The following MOV10L1 variants were observed in gnomAD, a reference collection of about 807,000 sequenced individuals.
MOV10L1 encodes the protein Mov10 like RNA helicase 1, also known as RNA helicase Mov10l1.
A neutral mutation model predicts 143.8 loss-of-function variants in MOV10L1; 110 were observed. That is an observed-to-expected ratio of 0.76 (90% CI 0.66 to 0.90). The LOEUF is 0.90. Among genes scored for constraint, MOV10L1 ranks in the 40% least tolerant of loss-of-function variants. The pLI is 0.00. For synonymous variants in MOV10L1, 593 were observed against 581.1 expected, an observed-to-expected ratio of 1.02 and a Z score of -0.29; for missense variants, 1,406 against 1,526.8, an observed-to-expected ratio of 0.92 and a Z score of 1.32.
In MOV10L1 at chr22:50,161,509, T is replaced by G. The variant is rs2063559658; in HGVS notation, c.*60T>G. 6.7e-7 allele frequency: 1 copy of G among 1,492,672 alleles called. No individual in the cohort carries two copies. The highest frequency in any genetic ancestry group is 9.1e-7 in the Non-Finnish European group (1 of 1,100,492). 92.5% of individuals were successfully genotyped at this position (1,492,672 alleles called of 1,614,324 possible). A position where few individuals can be genotyped will look rare whatever the true frequency, so the allele number is the denominator to read the frequency against. ...CAGCCTGGCCACGTTGCCGTTACAG[T>G]CTGCTCCGTGGCTCCTGTGGCCTGC... On this transcript the variant is annotated 3_prime_UTR_variant, in exon 27 of 27. Transcript: ENST00000262794.
At chr22:50,120,957 C>G (rs1483429222) in intron 10 of MOV10L1, among the ~76,000 whole-genome samples, 1 of 152,214 alleles carries the variant, frequency 6.6e-6, no homozygotes, top group South Asian at 2.1e-4. Context: ...AAGAAGTGTT[C>G]TAGCCTTTTA....
At position 50,144,201 on chromosome 22, in the gene MOV10L1, G is replaced by C; in HGVS notation, c.2463G>C (p.Pro821=). The change falls in exon 18 of 27, where the codon CCG becomes CCC. Residue 821 remains proline, a synonymous_variant. Transcript: ENST00000262794. ...LRLHESKVLQ[P]ATMVRVNATC... is the part of the protein sequence containing the mutation. Reference sequence around the variant, plus strand: ...TGCACGAGAGCAAGGTGCTACAGCCGGCCACCATGGTCCGGGTGAACGCCA... The same window carrying C: ...TGCACGAGAGCAAGGTGCTACAGCCCGCCACCATGGTCCGGGTGAACGCCA... 6.2e-7 allele frequency: 1 copy of C among 1,610,974 alleles called. No individual in the cohort carries two copies. The highest frequency in any genetic ancestry group is 8.5e-7 in the Non-Finnish European group (1 of 1,177,548).
chr22:50,110,557 G>A (rs1272080618), intron 5 of MOV10L1, among the ~76,000 whole-genome samples: 1 of 152,126 alleles, frequency 6.6e-6, no homozygotes, highest in Non-Finnish European at 1.5e-5. Flanking sequence ...GGTGATTGCT[G>A]TTTTGGGTGG....
Position 50,108,854 on chromosome 22 carries a change from T to C in MOV10L1, c.743+10T>C, listed in dbSNP as rs2061944780. 1 of 1,613,300 alleles carries C rather than the reference T, an allele frequency of 6.2e-7. No homozygotes were observed. Among genetic ancestry groups the C allele is most frequent in the African/African-American group, 1.3e-5 (1 of 74,882 alleles). ...CCCTAGTGAAGAGGCGGTAAGAAAA[T>C]GCTTTTCTGGCCAGGTGCGGTGGCT... On this transcript the variant is annotated intron_variant, in intron 5 of 26. Transcript: ENST00000262794.
intron 2 of MOV10L1, among the ~76,000 whole-genome samples, chr22:50,096,668 A>T (rs569128855): frequency 1.3e-5 from 2 of 152,016 alleles, no homozygotes; most frequent in African/African-American, 4.8e-5. Context: ...TTCTTTTGAC[A>T]GTAGCTATTC....
intron 3 of MOV10L1, among the ~76,000 whole-genome samples, chr22:50,105,615 A>G (rs538675063): frequency 6.6e-6 from 1 of 152,346 alleles, no homozygotes; most frequent in East Asian, 1.9e-4. Flanking sequence ...TTCTACATGT[A>G]TTAAATAAAG....
chr22:50,112,927 C>T (rs2062062842), intron 5 of MOV10L1, among the ~76,000 whole-genome samples: 1 of 152,238 alleles, frequency 6.6e-6, no homozygotes, highest in Non-Finnish European at 1.5e-5. Flanking sequence ...AAGAGCCAAA[C>T]AGGCACCCGC....
chr22:50,155,007 G>A (rs2063390085), intron 22 of MOV10L1, among the ~76,000 whole-genome samples: 1 of 152,112 alleles, frequency 6.6e-6, no homozygotes, highest in Admixed American at 6.6e-5. Context: ...CCAGTCTATA[G>A]TGATTTCACA....
Position 50,090,097 on chromosome 22 carries a change from C to A in MOV10L1, c.9C>A (p.Ser3Arg). 2.2e-6 allele frequency: 3 copies of A among 1,347,836 alleles called. No homozygotes were observed. Among genetic ancestry groups the A allele is most frequent in the Non-Finnish European group, 2.9e-6 (3 of 1,049,876 alleles). 83.5% of individuals were successfully genotyped at this position (1,347,836 alleles called of 1,614,324 possible). The change falls in exon 1 of 27, where the codon AGC (serine) becomes AGA (arginine). Residue 3 changes from serine to arginine, a missense_variant. Physicochemically the swap from Ser to Arg is moderately radical, Grantham distance 110 (BLOSUM62 -1). Transcript: ENST00000262794. Reference sequence around the variant, plus strand: ...TAGGCCGGGCGAGGGCCATGCTGAGCCTCGCAGCCAAGCTGGTGGCCTTCT... The same window carrying A: ...TAGGCCGGGCGAGGGCCATGCTGAGACTCGCAGCCAAGCTGGTGGCCTTCT... ML[S>R]LAAKLVAFFW...
rs1471159602 is a variant in MOV10L1 at position 50,153,767 on chromosome 22, C to T, written c.3066+549C>T. On this transcript the variant is annotated intron_variant, in intron 22 of 26. Transcript: ENST00000262794. ...CTGAGTGACCAAGCAAAATTACAAG[C>T]ATTCGCTAAAATGAGATAGTTTGTA... Among the ~76,000 whole-genome samples the T allele has an allele frequency of 3.3e-5, 5 of 152,208 alleles. No homozygotes were observed. In the East Asian group the frequency reaches 9.6e-4, roughly 29 times the overall value.
rs6010137 is a variant in MOV10L1, at chr22:50,106,544, C to T, written c.443-1592C>T. On this transcript the variant is annotated intron_variant, in intron 3 of 26. Transcript: ENST00000262794. ...ACGTATAGAACTAGTACATTAATAG[C>T]TATTGCTTCACTTTTCATTTATGTC... Among the ~76,000 whole-genome samples the T allele has an allele frequency of 3.3e-3, 496 of 151,830 alleles. 1 individual carries two copies. Among genetic ancestry groups the T allele is most frequent in the African/African-American group, 0.012 (479 of 41,406 alleles).
At chr22:50,120,401 A>G in intron 9 of MOV10L1, 101 bp from the exon 10 acceptor site, 1 of 742,790 alleles carries the variant, frequency 1.3e-6, no homozygotes, top group Non-Finnish European at 2.3e-6. Context: ...AAATGGATGG[A>G]CTTTGGTCTT....
chr22:50,130,920 G>A (rs1455887705), intron 13 of MOV10L1, among the ~76,000 whole-genome samples: 3 of 151,874 alleles, frequency 2.0e-5, no homozygotes, highest in African/African-American at 7.3e-5. Context: ...TTTTTGAGAC[G>A]GAGTCTCGTT....
chr22:50,154,601 T>C (rs2063380147), intron 22 of MOV10L1, among the ~76,000 whole-genome samples: 1 of 152,058 alleles, frequency 6.6e-6, no homozygotes. Context: ...AATAAATGCA[T>C]GGAGGCTGTC....
intron 14 of MOV10L1, 47 bp from the exon 15 acceptor site, chr22:50,134,483 T>TAA: frequency 6.6e-7 from 1 of 1,507,496 alleles, no homozygotes; most frequent in Admixed American, 1.7e-5. Context: ...AATATTTTTT[T>TAA]AGCTTTTTAG....
intron 20 of MOV10L1, 92 bp downstream of exon 20, chr22:50,149,806 G>C: frequency 5.0e-6 from 6 of 1,191,014 alleles, no homozygotes; most frequent in East Asian, 5.1e-5. Context: ...AGTCACAGCT[G>C]TACAGGGGTC....
intron 9 of MOV10L1, among the ~76,000 whole-genome samples, chr22:50,119,638 T>C (rs1057252490): frequency 1.3e-5 from 2 of 150,934 alleles, no homozygotes; most frequent in African/African-American, 4.9e-5. Flanking sequence ...TTGTTCGTGT[T>C]AGTAATCAAT....
chr22:50,144,668 G>A (rs1004428558), intron 18 of MOV10L1, among the ~76,000 whole-genome samples: 5 of 151,232 alleles, frequency 3.3e-5, no homozygotes, highest in Admixed American at 6.6e-5. Context: ...TGCAAGCTCC[G>A]CCTCCCAGGT....
chr22:50,116,058 G>C (rs1033813135), intron 8 of MOV10L1, among the ~76,000 whole-genome samples: 2 of 152,200 alleles, frequency 1.3e-5, no homozygotes, highest in Non-Finnish European at 2.9e-5. Context: ...CCGACAGTGC[G>C]TGATAGCCTT....
Sources: gnomAD v4.1 joint callset for allele counts (sites outside exome capture counted in the v4.1 genomes callset) on GRCh38, gnomAD v4.1.1 for gene constraint, MANE v1.5 for transcripts, NCBI Gene and HGNC (gene_info 2026-07-23, HGNC 2026-07-21) for gene names.